Variants in SDAD1 observed in about 807,000 individuals in gnomAD.
SDAD1 encodes protein SDA1 homolog.
In SDAD1, 79 loss-of-function variants were observed where a neutral mutation model predicts 100.3. The observed-to-expected ratio is 0.79, with a 90% CI of 0.66 to 0.95. The LOEUF is 0.95. SDAD1 is among the 40% of genes least tolerant of loss of function. The pLI is 0.00. For synonymous variants in SDAD1, 267 were observed against 271.4 expected (o/e 0.98, Z 0.16); for missense variants, 790 against 810.9 (o/e 0.97, Z 0.31).
chr4:75,973,999 G>A, intron 7 of SDAD1, 77 bp downstream of exon 7: 1 of 1,258,214 alleles, frequency 7.9e-7, no homozygotes, highest in South Asian at 1.2e-5. Flanking sequence ...TTTATGCTGA[G>A]TGATGCTTTC....
intron 21 of SDAD1, among the ~76,000 whole-genome samples, chr4:75,953,910 G>A (rs145176387): frequency 1.2e-3 from 189 of 152,250 alleles, no homozygotes; most frequent in African/African-American, 4.1e-3. Flanking sequence ...AGTAGCATGG[G>A]ATTACCATTC....
At chr4:75,971,615 A>G (rs1729872137) in intron 8 of SDAD1, among the ~76,000 whole-genome samples, 157 bp from the exon 9 acceptor site, 1 of 152,232 alleles carries the variant, frequency 6.6e-6, no homozygotes. Flanking sequence ...TCACGTCTGT[A>G]ATCCCAGCGC....
chr4:75,957,736 C>A, intron 18 of SDAD1, 28 bp from the exon 19 acceptor site: 2 of 1,613,634 alleles, frequency 1.2e-6, no homozygotes, highest in Non-Finnish European at 1.7e-6. Flanking sequence ...GCTTAAATGG[C>A]TACCAGCTCA....
chr4:75,982,016 A>G lies in SDAD1; in HGVS notation c.112T>C (p.Tyr38His), dbSNP rs777491705. The stretch of plus-strand genomic sequence containing the variant: ...TTGAAAATCTCCACATTGGATTTGT[A>G]GTGATTATACTGCTGTAGAAACTGC... The part of the protein sequence containing the change: ...IEEFLQQYNH[Y>H]KSNVEIFKLQ... Residue 38 changes from tyrosine to histidine, a missense_variant, in exon 2 of 22, where the codon TAC becomes CAC. By Grantham distance (83) the Tyr-to-His change is moderately conservative. Coordinates refer to ENST00000356260, the MANE Select transcript of SDAD1 (RefSeq NM_018115.4). 6 of 1,610,918 alleles carry G rather than the reference A, an allele frequency of 3.7e-6. No homozygotes were observed. The African/African-American group carries it at 5.3e-5, about 14-fold the overall frequency.
chr4:75,971,400 G>C lies in SDAD1; in HGVS notation c.770C>G (p.Ser257Cys). ...CTTTTCCAACTTTTTCTTGTTTTTG[G>C]AACTTTTCTTCCCTGTAGCATATTG... The part of the protein sequence containing the change: ...LVQYATGKKS[S>C]KNKKKLEKAM... The change falls in exon 9 of 22, where the codon TCC becomes TGC. Residue 257 changes from serine to cysteine, a missense_variant. Coordinates refer to ENST00000356260, the MANE Select transcript of SDAD1 (RefSeq NM_018115.4). 6.2e-7 allele frequency: 1 copy of C among 1,613,882 alleles called. No individual in the cohort carries two copies. The highest frequency in any genetic ancestry group is 8.5e-7 in the Non-Finnish European group (1 of 1,179,930).
intron 12 of SDAD1, among the ~76,000 whole-genome samples, chr4:75,966,925 T>A (rs975844400): frequency 3.9e-5 from 6 of 152,052 alleles, no homozygotes; most frequent in Admixed American, 1.3e-4. Flanking sequence ...CGACACCACA[T>A]CCGGCTAATT....
chr4:75,955,020 A>T (rs1464467345), intron 21 of SDAD1, among the ~76,000 whole-genome samples: 1 of 152,096 alleles, frequency 6.6e-6, no homozygotes, highest in African/African-American at 2.4e-5. Flanking sequence ...GTTTCTATTG[A>T]TTGTTTACAA....
At chr4:75,961,173 T>G in intron 15 of SDAD1, 38 bp downstream of exon 15, 1 of 1,601,672 alleles carries the variant, frequency 6.2e-7, no homozygotes, top group South Asian at 1.1e-5. Flanking sequence ...GGAGTCACAC[T>G]GTACTCTTTG....
intron 9 of SDAD1, among the ~76,000 whole-genome samples, chr4:75,970,823 C>G (rs1301209067): frequency 6.6e-6 from 1 of 152,152 alleles, no homozygotes; most frequent in Non-Finnish European, 1.5e-5. Context: ...CTGTAGTGCT[C>G]TCTCCTGCCA....
rs754565448 is a variant in SDAD1 at position 75,957,328 on chromosome 4, T to A, written c.1851A>T (p.Ala617=). The change falls in exon 20 of 22, where the codon GCA becomes GCT. Residue 617 remains alanine (A), a synonymous_variant. Transcript: ENST00000356260. ...TAGGAATGATATGCTCACTCACCAT[T>A]GCAGTTGCTAGTCTTGTCTCTTTGT... ...KSDKETRLAT[A]MAGKTDRKEF... is the part of the protein sequence containing the mutation. 4.3e-6 allele frequency: 7 copies of A among 1,613,434 alleles called. No homozygotes were observed. The highest frequency in any genetic ancestry group is 5.9e-6 in the Non-Finnish European group (7 of 1,179,458).
rs140119300 is a variant in SDAD1 at position 75,957,606 on chromosome 4, T to G, written c.1681A>C (p.Met561Leu). 16 of 1,614,180 alleles carry G rather than the reference T, an allele frequency of 9.9e-6. No individual in the cohort carries two copies. Among genetic ancestry groups the G allele is most frequent in the Admixed American group, 3.3e-5 (2 of 60,016 alleles). ...TCAAGTTCTTTTCTCATTTGGGCCA[T>G]GCGGATTTTCTGGAAGTCTTCCTGA... ...LTQEDFQKIR[M>L]AQMRKELDAA... The change falls in exon 19 of 22, where the codon ATG becomes CTG. Residue 561 changes from methionine to leucine, a missense_variant. Met to Leu is a conservative substitution (Grantham distance 15, BLOSUM62 2). Coordinates refer to ENST00000356260, the MANE Select transcript of SDAD1 (RefSeq NM_018115.4).
chr4:75,958,503 CCA>C (rs1166842565), intron 17 of SDAD1, among the ~76,000 whole-genome samples: 2 of 152,166 alleles, frequency 1.3e-5, no homozygotes, highest in African/African-American at 2.4e-5. Context: ...AATGGAGCCA[CCA>C]CAGTTTAAAT....
chr4:75,957,084 T>C lies in SDAD1; in HGVS notation c.1854+241A>G, dbSNP rs543751934. Among the ~76,000 whole-genome samples, 27 of 152,040 alleles carry C rather than the reference T, an allele frequency of 1.8e-4. No individual in the cohort carries two copies. In the South Asian group the frequency reaches 5.7e-3, roughly 32 times the overall value. On this transcript the variant is annotated intron_variant, in intron 20 of 21. Transcript: ENST00000356260. ...GAGATTGTGCCACTGCACTACAGCC[T>C]GGGTGACAGAGAGAGACTGTCGCAA...
At chr4:75,978,263 G>T (rs1315207881) in intron 3 of SDAD1, among the ~76,000 whole-genome samples, 1 of 138,106 alleles carries the variant, frequency 7.2e-6, no homozygotes, top group African/African-American at 2.7e-5. Context: ...TTTGAGACGG[G>T]TCTCGCTATA....
chr4:75,969,055 A>T (rs941192441), intron 11 of SDAD1, among the ~76,000 whole-genome samples: 12 of 140,126 alleles, frequency 8.6e-5, no homozygotes, highest in Non-Finnish European at 1.6e-4. Context: ...AAAAAAAAAA[A>T]GCAGAGAATA....
chr4:75,987,651 G>A (rs1283978379), intron 1 of SDAD1, among the ~76,000 whole-genome samples: 2 of 152,040 alleles, frequency 1.3e-5, no homozygotes, highest in African/African-American at 4.8e-5. Flanking sequence ...ACAGGTGCCC[G>A]CCACCACACC....
intron 13 of SDAD1, among the ~76,000 whole-genome samples, chr4:75,964,714 A>G (rs1168388800): frequency 6.6e-6 from 1 of 152,238 alleles, no homozygotes; most frequent in Non-Finnish European, 1.5e-5. Flanking sequence ...CCATGGCAGA[A>G]GAACATAAAT....
chr4:75,976,920 A>T (rs899840103), intron 4 of SDAD1, among the ~76,000 whole-genome samples: 4 of 152,282 alleles, frequency 2.6e-5, no homozygotes, highest in African/African-American at 7.2e-5. Flanking sequence ...TTTGAAAAAA[A>T]TTTTAAATTA....
rs760460377 is a variant in SDAD1 at position 75,961,105 on chromosome 4, C to T, written c.1280-1G>A. Reference sequence around the variant, plus strand: ...AAAGTTCTAGCAGACATCATTACATCTGTAAAATAATACTTTTAATTAGAA... The same window carrying T: ...AAAGTTCTAGCAGACATCATTACATTTGTAAAATAATACTTTTAATTAGAA... On this transcript the variant is annotated splice_acceptor_variant, in intron 15 of 21. Coordinates refer to ENST00000356260, the MANE Select transcript of SDAD1 (RefSeq NM_018115.4). LOFTEE classifies it high-confidence loss of function. The T allele has an allele frequency of 6.2e-7, 1 of 1,613,722 alleles. No homozygotes were observed. The highest frequency in any genetic ancestry group is 1.1e-5 in the South Asian group (1 of 91,076).
Sources: allele counts gnomAD v4.1 joint callset (sites outside exome capture counted in the v4.1 genomes callset), GRCh38; gene constraint gnomAD v4.1.1; transcripts MANE v1.5; gene names NCBI Gene and HGNC (gene_info 2026-07-23, HGNC 2026-07-21).